Variants in STX1A observed in about 807,000 individuals in gnomAD.
STX1A encodes the protein syntaxin-1A.
A neutral mutation model predicts 37.8 loss-of-function variants in STX1A; 4 were observed. The ratio of observed to expected loss-of-function variants is 0.11; its 90% CI spans 0.05 to 0.24. The LOEUF (loss-of-function observed/expected upper bound fraction) is 0.24, where lower values mean the gene tolerates loss of function less well. Among genes scored for constraint, STX1A ranks in the 10% least tolerant of loss-of-function variants. STX1A has a pLI of 1.00. For synonymous variants in STX1A, 135 were observed against 147.4 expected (o/e 0.92, Z 0.61); for missense variants, 251 against 399.9 (o/e 0.63, Z 3.18).
chr7:73,719,573 G>A (rs1171822592), intron 1 of STX1A, 29 bp downstream of exon 1: 1 of 1,208,050 alleles, frequency 8.3e-7, no homozygotes, highest in Non-Finnish European at 1.0e-6. Context: ...GGCGGGCGGC[G>A]GGCGGCCGCG....
chr7:73,715,120 G>A (rs1353672386), intron 1 of STX1A, among the ~76,000 whole-genome samples: 3 of 146,438 alleles, frequency 2.0e-5, no homozygotes, highest in East Asian at 2.0e-4. Flanking sequence ...ATGAGACTCC[G>A]TCTAAAAAAA....
Position 73,699,332 on chromosome 7 carries a change from C to T in STX1A, c.*1075G>A, listed in dbSNP as rs1217961474. On this transcript the variant is annotated 3_prime_UTR_variant, in exon 10 of 10. Coordinates refer to ENST00000222812, the MANE Select transcript of STX1A (RefSeq NM_004603.4). ...AAGAAGGCAACACGGACAGTGGTCA[C>T]AGTCACTGGGCAGGAGTAAAGCCGA... 4 of 152,698 alleles carry T rather than the reference C, an allele frequency of 2.6e-5. No homozygotes were observed. In the East Asian group the frequency reaches 7.7e-4, roughly 29 times the overall value. The allele number at this position is 152,698 out of a possible 1,614,324, so 9.5% of individuals were successfully genotyped here.
At chr7:73,713,847 G>A (rs1474771290) in intron 1 of STX1A, among the ~76,000 whole-genome samples, 1 of 152,216 alleles carries the variant, frequency 6.6e-6, no homozygotes, top group African/African-American at 2.4e-5. Context: ...CTGGATTGGA[G>A]TTGGGGACTT....
chr7:73,704,426 G>A lies in STX1A; in HGVS notation c.284-3C>T, dbSNP rs1554616495. 2 of 1,614,062 alleles carry A rather than the reference G, an allele frequency of 1.2e-6. No individual in the cohort carries two copies. The stretch of plus-strand genomic sequence containing the variant: ...TTGCTCGATGGACTGCTCGATGCCT[G>A]GGGGCACAGGTGGCTGCTAAGTCAT... On this transcript the variant is annotated splice_region_variant and splice_polypyrimidine_tract_variant and intron_variant, in intron 4 of 9. Transcript: ENST00000222812.
rs368968122 is a variant in STX1A at position 73,702,826 on chromosome 7, A to C, written c.678+19T>G. The C allele has an allele frequency of 1.2e-4, 198 of 1,613,526 alleles. 1 individual carries two copies. The highest frequency in any genetic ancestry group is 1.6e-4 in the Non-Finnish European group (188 of 1,179,930). On this transcript the variant is annotated intron_variant, in intron 8 of 9. Transcript: ENST00000222812. This position sits in a 1 kb window ranked among gnomAD's most constrained non-coding sequence, Gnocchi z 4.7. Reference sequence around the variant, plus strand: ...GCTGGTGTGGGCTGGAGTGGAGGGCAGGGGGGCCCGGCACTCACCTGGCTC... The same window carrying C: ...GCTGGTGTGGGCTGGAGTGGAGGGCCGGGGGGCCCGGCACTCACCTGGCTC...
chr7:73,700,318 G>C lies in STX1A; in HGVS notation c.*89C>G. On this transcript the variant is annotated 3_prime_UTR_variant, in exon 10 of 10. Coordinates refer to ENST00000222812, the MANE Select transcript of STX1A (RefSeq NM_004603.4). This position sits in a 1 kb window ranked among gnomAD's most constrained non-coding sequence, Gnocchi z 4.4. ...GGGAGGGTGCTCTGAGCCAGAGGCG[G>C]GGGTTGGGAGGGCAGCCCAGCCAGG... The C allele has an allele frequency of 7.6e-7, 1 of 1,322,252 alleles. No homozygotes were observed. Among genetic ancestry groups the C allele is most frequent in the Non-Finnish European group, 1.1e-6 (1 of 922,624 alleles). The allele number at this position is 1,322,252 out of a possible 1,614,324, so 81.9% of individuals were successfully genotyped here.
intron 7 of STX1A, 45 bp from the exon 8 acceptor site, chr7:73,703,027 GGCAGGGCAGA>G: frequency 6.5e-7 from 1 of 1,530,860 alleles, no homozygotes; most frequent in Non-Finnish European, 8.8e-7. Context: ...CTTGCTGAGG[GGCAGGGCAGA>G]GGGCCGAGGG....
intron 6 of STX1A, 141 bp from the exon 7 acceptor site, chr7:73,703,969 C>T (rs1798768331): frequency 7.7e-6 from 8 of 1,040,648 alleles, no homozygotes; most frequent in East Asian, 2.6e-5. Context: ...CCCCCCCGGC[C>T]CTTAACACAG....
chr7:73,704,076 GCA>G (rs1295854280), intron 6 of STX1A, 70 bp downstream of exon 6: 2 of 1,467,350 alleles, frequency 1.4e-6, no homozygotes, highest in African/African-American at 2.8e-5. Context: ...CTTGAGCCAC[GCA>G]CTCAGCAGCA....
rs1208697801 is a variant in STX1A, at chr7:73,719,451, G to T, written c.30+151C>A. On this transcript the variant is annotated intron_variant, in intron 1 of 9. Transcript: ENST00000222812. ...TCCGAGGGGCGGAACCCGGAGGGGG[G>T]TCGAGGTCCCTGGCTCGCCCCGCTC... The T allele has an allele frequency of 5.9e-5, 46 of 779,718 alleles. 1 individual carries two copies. Among genetic ancestry groups the T allele is most frequent in the Non-Finnish European group, 3.4e-6 (2 of 595,796 alleles). 48.3% of individuals were successfully genotyped at this position (779,718 alleles called of 1,614,324 possible).
In STX1A at chr7:73,703,800, C is replaced by T; in HGVS notation, c.495G>A (p.Leu165=). 2 of 1,613,994 alleles carry T rather than the reference C, an allele frequency of 1.2e-6. No individual in the cohort carries two copies. Among genetic ancestry groups the T allele is most frequent in the Non-Finnish European group, 1.7e-6 (2 of 1,179,964 alleles). ...ITGRTTTSEE[L]EDMLESGNPA... ...GGTTCCCACTCTCCAGCATGTCCTC[C>T]AGCTCCTCACTGGTCGTGGTCCTGC... Residue 165 remains leucine (L), a synonymous_variant, in exon 7 of 10, where the codon CTG becomes CTA. Coordinates refer to ENST00000222812, the MANE Select transcript of STX1A (RefSeq NM_004603.4).
chr7:73,714,375 T>C (rs1234682180), intron 1 of STX1A, among the ~76,000 whole-genome samples: 1 of 152,044 alleles, frequency 6.6e-6, no homozygotes, highest in East Asian at 1.9e-4. Context: ...CCCAAAGTGC[T>C]AGGATTACAG....
chr7:73,717,777 C>T lies in STX1A; in HGVS notation c.30+1825G>A. Among the ~76,000 whole-genome samples the T allele has an allele frequency of 6.6e-6, 1 of 152,186 alleles. No individual in the cohort carries two copies. Among genetic ancestry groups the T allele is most frequent in the East Asian group, 1.9e-4 (1 of 5,192 alleles). On this transcript the variant is annotated intron_variant, in intron 1 of 9. Transcript: ENST00000222812. This position sits in a 1 kb window ranked among gnomAD's most constrained non-coding sequence, Gnocchi z 4.1. ...GGGGGCGAGGAGGTAGTAACAGAGA[C>T]AGACATCAGAGCAAAAAGATCTGGG...
intron 1 of STX1A, among the ~76,000 whole-genome samples, chr7:73,712,525 A>G (rs2116765449): frequency 6.6e-6 from 1 of 151,834 alleles, no homozygotes; most frequent in African/African-American, 2.4e-5. Context: ...TCACATTCCT[A>G]TTGGAGCCAT....
Position 73,704,318 on chromosome 7 carries a change from G to A in STX1A, c.357+32C>T, listed in dbSNP as rs782715874. 2.5e-6 allele frequency: 4 copies of A among 1,613,890 alleles called. No homozygotes were observed. The South Asian group carries it at 3.3e-5, about 13-fold the overall frequency. ...TGCGGGGACCGACCCAGAGACTCAG[G>A]TGCCCGCCCATCCTAGACTCCGTGG... On this transcript the variant is annotated intron_variant, in intron 5 of 9. Transcript: ENST00000222812.
At chr7:73,714,351 A>G (rs1554618385) in intron 1 of STX1A, among the ~76,000 whole-genome samples, 1 of 150,144 alleles carries the variant, frequency 6.7e-6, no homozygotes, top group Non-Finnish European at 1.5e-5. Context: ...CAGGTGATCC[A>G]CCCGCCTCGG....
At chr7:73,703,920 TC>T (rs1189898994) in intron 6 of STX1A, 92 bp from the exon 7 acceptor site, 16 of 1,184,652 alleles carry the variant, frequency 1.4e-5, no homozygotes, top group Admixed American at 3.1e-5. Context: ...AGGCCCGGGC[TC>T]CCCCCAGCCC....
Position 73,699,725 on chromosome 7 carries a change from G to A in STX1A, c.*682C>T, listed in dbSNP as rs1798576340. 6.5e-6 allele frequency: 1 copy of A among 152,866 alleles called. No individual in the cohort carries two copies. The highest frequency in any genetic ancestry group is 6.5e-5 in the Admixed American group (1 of 15,370). 9.5% of individuals were successfully genotyped at this position (152,866 alleles called of 1,614,324 possible). ...CTAGCTGCTGGGGTGGCTGGAAATA[G>A]GGCACCAGCCAGCCCCTTCCAGAGG... On this transcript the variant is annotated 3_prime_UTR_variant, in exon 10 of 10. Coordinates refer to ENST00000222812, the MANE Select transcript of STX1A (RefSeq NM_004603.4).
At position 73,709,970 on chromosome 7, in the gene STX1A, G is replaced by A. The variant is rs906509239; in HGVS notation, c.31-848C>T. ...TGGTCTTGAACTCCTGGCCTCAAGC[G>A]ATCCTCCTGCCTCAGCCTTCCAAAG... On this transcript the variant is annotated intron_variant, in intron 1 of 9. Transcript: ENST00000222812. This position sits in a 1 kb window ranked among gnomAD's most constrained non-coding sequence, Gnocchi z 4.2. Among the ~76,000 whole-genome samples, 2 of 152,172 alleles carry A rather than the reference G, an allele frequency of 1.3e-5. No individual in the cohort carries two copies. The highest frequency in any genetic ancestry group is 4.1e-4 in the South Asian group (2 of 4,830).
Sources: allele counts gnomAD v4.1 joint callset (sites outside exome capture counted in the v4.1 genomes callset), GRCh38; gene constraint gnomAD v4.1.1; non-coding constraint Gnocchi (gnomAD v3.1); transcripts MANE v1.5; gene names NCBI Gene and HGNC (gene_info 2026-07-23, HGNC 2026-07-21).